The following PCDHGA5 variants were observed in gnomAD, a reference collection of about 807,000 sequenced individuals.
The protein encoded by PCDHGA5 is protocadherin gamma subfamily A, 5, also known as protocadherin gamma-A5.
PCDHGA5 carries 36 observed loss-of-function variants against 56.7 expected under a neutral mutation model. The ratio of observed to expected loss-of-function variants is 0.64; its 90% CI spans 0.49 to 0.84. The LOEUF is 0.84. PCDHGA5 is among the 40% of genes least tolerant of loss of function. PCDHGA5 has a pLI of 0.00. For synonymous variants in PCDHGA5, 563 were observed against 520.2 expected (o/e 1.08, Z -1.12); for missense variants, 1,305 against 1,201.5 (o/e 1.09, Z -1.27).
chr5:141,405,901 G>A (rs954255473), intron 1 of PCDHGA5, among the ~76,000 whole-genome samples: 1 of 152,092 alleles, frequency 6.6e-6, no homozygotes, highest in Non-Finnish European at 1.5e-5. Context: ...ACTGAAAGGA[G>A]GCATTTATTA....
At chr5:141,414,183 A>C in intron 1 of PCDHGA5, 1 of 1,609,508 alleles carries the variant, frequency 6.2e-7, no homozygotes, top group Non-Finnish European at 8.5e-7. Flanking sequence ...CAACTGCAAA[A>C]GTGTTGATTA....
intron 1 of PCDHGA5, among the ~76,000 whole-genome samples, chr5:141,463,095 G>C (rs1299676667): frequency 6.6e-6 from 1 of 152,098 alleles, no homozygotes; most frequent in African/African-American, 2.4e-5. Context: ...AGCCCTATGT[G>C]ACCATCAAGA....
chr5:141,386,109 A>T (rs866004779), intron 1 of PCDHGA5: 1 of 152,246 alleles, frequency 6.6e-6, no homozygotes, highest in Non-Finnish European at 1.5e-5. Context: ...TCTGTGGGCT[A>T]TCAAAGTGGG....
At chr5:141,375,670 G>A (rs1186753190) in intron 1 of PCDHGA5, 5 of 1,614,248 alleles carry the variant, frequency 3.1e-6, no homozygotes, top group Non-Finnish European at 4.2e-6. Context: ...GAGACCTACA[G>A]CTGTGGGTGA....
Position 141,432,683 on chromosome 5 carries a change from C to T in PCDHGA5, c.2422-62124C>T, listed in dbSNP as rs138402830. The T allele has an allele frequency of 4.8e-5, 78 of 1,613,968 alleles. No individual in the cohort carries two copies. In the African/African-American group the frequency reaches 9.5e-4, roughly 20 times the overall value. On this transcript the variant is annotated intron_variant, in intron 1 of 3. Transcript: ENST00000518069. The surrounding 1 kb of genome is among the most constrained non-coding windows in gnomAD (Gnocchi z 6.0). ...GGACAGAGACGCGCTCAAGCAGAGC[C>T]TCGTAGTGGCCGTCCAGGACCACGG...
chr5:141,417,141 C>T (rs1455831459), intron 1 of PCDHGA5: 1 of 152,018 alleles, frequency 6.6e-6, no homozygotes, highest in Non-Finnish European at 1.5e-5. Context: ...ATGACTAGGG[C>T]AATGGTTGCA....
At chr5:141,499,553 A>T (rs1215178587) in intron 2 of PCDHGA5, among the ~76,000 whole-genome samples, 3 of 152,206 alleles carry the variant, frequency 2.0e-5, no homozygotes, top group African/African-American at 4.8e-5. Context: ...CCTGTATGAT[A>T]CCACTATCCA....
rs868142397 is a variant in PCDHGA5, at chr5:141,364,767, C to A, written c.437C>A (p.Ala146Glu). The A allele has an allele frequency of 1.9e-6, 3 of 1,613,760 alleles. No individual in the cohort carries two copies. The highest frequency in any genetic ancestry group is 1.3e-5 in the African/African-American group (1 of 74,940). ...EELKVKVNEN[A>E]AAGTRLVLPF... ...TTAAAAGTAAAAGTTAATGAAAATG[C>A]GGCTGCAGGGACACGGTTAGTGCTT... is the stretch of plus-strand genomic sequence containing the variant. The change falls in exon 1 of 4, where the codon GCG becomes GAG. Residue 146 changes from alanine to glutamate, a missense_variant. Transcript: ENST00000518069.
At position 141,511,436 on chromosome 5, in the gene PCDHGA5, T is replaced by C. The variant is rs1371734719; in HGVS notation, c.*263T>C. The C allele has an allele frequency of 1.5e-5, 11 of 718,486 alleles. No individual in the cohort carries two copies. The highest frequency in any genetic ancestry group is 2.2e-5 in the Non-Finnish European group (10 of 461,474). The allele number at this position is 718,486 out of a possible 1,614,324, so 44.5% of individuals were successfully genotyped here. The stretch of plus-strand genomic sequence containing the variant: ...ACCCATGGGGGTAGTGGGGTTACTG[T>C]AGACACCAAGAACCATTTGCCACAC... On this transcript the variant is annotated 3_prime_UTR_variant, in exon 4 of 4. Coordinates refer to ENST00000518069, the MANE Select transcript of PCDHGA5 (RefSeq NM_018918.3).
At chr5:141,506,462 AAAAG>A (rs1396142744) in intron 3 of PCDHGA5, among the ~76,000 whole-genome samples, 1 of 151,856 alleles carries the variant, frequency 6.6e-6, no homozygotes, top group African/African-American at 2.4e-5. Flanking sequence ...AAAAAAAAAA[AAAAG>A]AGCACAGGCT....
intron 1 of PCDHGA5, chr5:141,385,006 G>T (rs762264055): frequency 1.2e-6 from 2 of 1,614,090 alleles, no homozygotes; most frequent in Admixed American, 3.3e-5. Flanking sequence ...AGTCTCCTGC[G>T]TCTTCCTAGC....
At chr5:141,429,169 T>TACATACACACACACACAC (rs369570830) in intron 1 of PCDHGA5, 115 of 145,474 alleles carry the variant, frequency 7.9e-4, no homozygotes, top group African/African-American at 2.1e-3. Flanking sequence ...ACATTGTTTA[T>TACATACACACACACACAC]ACACACACAC....
chr5:141,423,554 A>G (rs1383467583), intron 1 of PCDHGA5: 8 of 1,613,590 alleles, frequency 5.0e-6, no homozygotes, highest in East Asian at 4.5e-5. Flanking sequence ...CAGCCCAACT[A>G]TGGGGACACG....
intron 1 of PCDHGA5, chr5:141,383,690 T>C: frequency 1.9e-6 from 3 of 1,614,010 alleles, no homozygotes; most frequent in Non-Finnish European, 2.5e-6. Flanking sequence ...CTGCTCACGG[T>C]ACATGCTATC....
chr5:141,474,083 A>G (rs771906750), intron 1 of PCDHGA5, among the ~76,000 whole-genome samples: 2 of 152,190 alleles, frequency 1.3e-5, no homozygotes, highest in African/African-American at 2.4e-5. Flanking sequence ...AACAAAAACC[A>G]AAAAACAAAC....
chr5:141,486,879 G>A lies in PCDHGA5; in HGVS notation c.2422-7928G>A, dbSNP rs1371072899. 7 of 1,614,228 alleles carry A rather than the reference G, an allele frequency of 4.3e-6. No homozygotes were observed. Among genetic ancestry groups the A allele is most frequent in the Non-Finnish European group, 4.2e-6 (5 of 1,180,046 alleles). On this transcript the variant is annotated intron_variant, in intron 1 of 3. Coordinates refer to ENST00000518069, the MANE Select transcript of PCDHGA5 (RefSeq NM_018918.3). The surrounding 1 kb of genome is among the most constrained non-coding windows in gnomAD (Gnocchi z 5.0). Reference sequence around the variant, plus strand: ...AATGCTCCAGCTGTGCTCCGTCCTCGGGCCCGGCCTGGTTCCTTATGTCCC... The same window carrying A: ...AATGCTCCAGCTGTGCTCCGTCCTCAGGCCCGGCCTGGTTCCTTATGTCCC...
intron 1 of PCDHGA5, among the ~76,000 whole-genome samples, chr5:141,460,256 C>T (rs1315761341): frequency 6.6e-6 from 1 of 151,704 alleles, no homozygotes; most frequent in Admixed American, 6.6e-5. Context: ...TTGATAAAGC[C>T]CAATTTATTT....
At chr5:141,413,179 G>C in intron 1 of PCDHGA5, 1 of 1,602,658 alleles carries the variant, frequency 6.2e-7, no homozygotes. Context: ...GACTACAATG[G>C]CCGCTCAAAG....
intron 1 of PCDHGA5, chr5:141,403,960 G>T (rs775638627): frequency 1.9e-6 from 3 of 1,613,776 alleles, no homozygotes; most frequent in South Asian, 2.2e-5. Context: ...TGCTCATTTC[G>T]GTGGAAGATG....
Sources: gnomAD v4.1 joint callset for allele counts (sites outside exome capture counted in the v4.1 genomes callset) on GRCh38, gnomAD v4.1.1 for gene constraint, Gnocchi (gnomAD v3.1) non-coding constraint, MANE v1.5 for transcripts, NCBI Gene and HGNC (gene_info 2026-07-23, HGNC 2026-07-21) for gene names.